The following ETFA variants were observed in gnomAD, a reference collection of about 807,000 sequenced individuals.
ETFA encodes the protein electron transfer flavoprotein subunit alpha, mitochondrial.
A neutral mutation model predicts 46.2 loss-of-function variants in ETFA; 22 were observed. The ratio of observed to expected loss-of-function variants is 0.48; its 90% CI spans 0.34 to 0.68. The LOEUF is 0.68. ETFA is among the 30% of genes least tolerant of loss of function. ETFA has a pLI of 0.01. For missense variants in ETFA, 345 were observed against 401.1 expected, an observed-to-expected ratio of 0.86 and a Z score of 1.19; for synonymous variants, 131 against 139.9, an observed-to-expected ratio of 0.94 and a Z score of 0.45.
chr15:76,275,643 C>T (rs573949808), intron 8 of ETFA, among the ~76,000 whole-genome samples: 6 of 152,206 alleles, frequency 3.9e-5, no homozygotes, highest in South Asian at 2.1e-4. Context: ...ATATTTGTAA[C>T]GGTTTTCTAT....
At chr15:76,248,455 G>C (rs762753296) in intron 9 of ETFA, among the ~76,000 whole-genome samples, 1 of 151,892 alleles carries the variant, frequency 6.6e-6, no homozygotes, top group Non-Finnish European at 1.5e-5. Context: ...AAATACAGGT[G>C]AATATCTTTA....
At chr15:76,261,597 G>C (rs2039413912) in intron 9 of ETFA, 1 of 493,578 alleles carries the variant, frequency 2.0e-6, no homozygotes, top group Non-Finnish European at 3.7e-6. Context: ...GACTCTGGGA[G>C]CAGCAGAGAA....
chr15:76,310,596 A>C (rs12439484), intron 1 of ETFA, among the ~76,000 whole-genome samples: 66,067 of 151,910 alleles, frequency 0.43, 16,078 homozygotes, highest in Middle Eastern at 0.57. Context: ...TTCTCACAAC[A>C]GAAGAGAGAA....
rs2141478225 is a variant in ETFA, at chr15:76,246,582, A to G, written c.817-15184T>C. 1.3e-5 allele frequency among the ~76,000 whole-genome samples: 2 copies of G among 152,342 alleles called. 1 individual carries two copies. Among genetic ancestry groups the G allele is most frequent in the African/African-American group, 4.8e-5 (2 of 41,580 alleles). Reference sequence around the variant, plus strand: ...CACGGTGGCTCACACCTGTAATCCCAGCACTTTGGGAGGCTGAGGCAGGCA... The same window carrying G: ...CACGGTGGCTCACACCTGTAATCCCGGCACTTTGGGAGGCTGAGGCAGGCA... On this transcript the variant is annotated intron_variant, in intron 9 of 11. Transcript: ENST00000557943.
At chr15:76,276,780 GTTTT>G (rs2039596971) in intron 8 of ETFA, among the ~76,000 whole-genome samples, 1 of 152,098 alleles carries the variant, frequency 6.6e-6, no homozygotes, top group Non-Finnish European at 1.5e-5. Context: ...CTGCTACAAT[GTTTT>G]TTATCTCTAG....
chr15:76,260,768 C>G, intron 9 of ETFA: 1 of 1,603,266 alleles, frequency 6.2e-7, no homozygotes, highest in Non-Finnish European at 8.5e-7. Context: ...TCTGAAAGGG[C>G]ACCCAGTCAG....
At chr15:76,281,251 C>T (rs192264915) in intron 8 of ETFA, among the ~76,000 whole-genome samples, 1 of 152,066 alleles carries the variant, frequency 6.6e-6, no homozygotes, top group Non-Finnish European at 1.5e-5. Flanking sequence ...GTGATCCGCC[C>T]GCCTTGGCCT....
At chr15:76,310,480 C>G (rs1484801309) in intron 1 of ETFA, among the ~76,000 whole-genome samples, 1 of 150,452 alleles carries the variant, frequency 6.6e-6, no homozygotes, top group African/African-American at 2.4e-5. Flanking sequence ...ACTAGGAAAA[C>G]TACACAATCC....
At chr15:76,310,855 A>ACCCCCG (rs1182504345) in intron 1 of ETFA, among the ~76,000 whole-genome samples, 1 of 76,662 alleles carries the variant, frequency 1.3e-5, no homozygotes, top group Non-Finnish European at 2.8e-5. Flanking sequence ...ACCCCACCCC[A>ACCCCCG]CCCCCGCCCT....
intron 9 of ETFA, among the ~76,000 whole-genome samples, chr15:76,248,790 T>C (rs1018098040): frequency 1.3e-5 from 2 of 151,994 alleles, no homozygotes; most frequent in African/African-American, 4.8e-5. Flanking sequence ...GGTGGGAGAA[T>C]TGTTTGAACC....
intron 10 of ETFA, among the ~76,000 whole-genome samples, chr15:76,229,459 A>G (rs1316647137): frequency 6.6e-6 from 1 of 152,212 alleles, no homozygotes; most frequent in Non-Finnish European, 1.5e-5. Flanking sequence ...CCCACAATCC[A>G]GCCCTGTTGG....
chr15:76,253,776 A>C (rs2039324346), intron 9 of ETFA, among the ~76,000 whole-genome samples: 1 of 152,214 alleles, frequency 6.6e-6, no homozygotes, highest in Admixed American at 6.5e-5. Flanking sequence ...GCTGCCAAAA[A>C]CCTAATGCAT....
intron 9 of ETFA, chr15:76,260,845 G>A: frequency 6.2e-7 from 1 of 1,611,644 alleles, no homozygotes; most frequent in South Asian, 1.1e-5. Flanking sequence ...GCAGGCACCA[G>A]GTCCCGGAGC....
intron 9 of ETFA, among the ~76,000 whole-genome samples, chr15:76,265,271 C>A (rs1267914499): frequency 6.6e-6 from 1 of 152,144 alleles, no homozygotes; most frequent in African/African-American, 2.4e-5. Flanking sequence ...TCTGATCATA[C>A]CAGAGAGATT....
At chr15:76,223,789 T>C (rs1164842111) in intron 11 of ETFA, among the ~76,000 whole-genome samples, 2 of 152,196 alleles carry the variant, frequency 1.3e-5, no homozygotes, top group South Asian at 2.1e-4. Context: ...ATGCCAAACC[T>C]TGGAGCTGCC....
At position 76,245,811 on chromosome 15, in the gene ETFA, C is replaced by A. The variant is rs189998610; in HGVS notation, c.817-14413G>T. Among the ~76,000 whole-genome samples the A allele has an allele frequency of 2.6e-5, 4 of 152,180 alleles. No homozygotes were observed. In the East Asian group the frequency reaches 7.7e-4, roughly 29 times the overall value. ...GTGGTTAGGAAGGTAAGGTCAGCAC[C>A]ATCAAAAAAGCTAATAGAAGGCAAT... On this transcript the variant is annotated intron_variant, in intron 9 of 11. Coordinates refer to ENST00000557943, the MANE Select transcript of ETFA (RefSeq NM_000126.4).
intron 1 of ETFA, among the ~76,000 whole-genome samples, chr15:76,309,170 C>T (rs1226122641): frequency 6.6e-6 from 1 of 152,232 alleles, no homozygotes; most frequent in Non-Finnish European, 1.5e-5. Flanking sequence ...CTATTCTAGG[C>T]TGGGCGCGGT....
chr15:76,258,828 G>A (rs2039372807), intron 9 of ETFA, among the ~76,000 whole-genome samples: 1 of 152,196 alleles, frequency 6.6e-6, no homozygotes, highest in South Asian at 2.1e-4. Flanking sequence ...ACTGGGATTG[G>A]GTGATTTGGT....
chr15:76,224,501 T>C (rs2142106898), intron 11 of ETFA, among the ~76,000 whole-genome samples: 1 of 152,318 alleles, frequency 6.6e-6, no homozygotes, highest in African/African-American at 2.4e-5. Flanking sequence ...AAGGGTCCTA[T>C]TTCCATCCTT....
Sources: allele counts gnomAD v4.1 joint callset (sites outside exome capture counted in the v4.1 genomes callset), GRCh38; gene constraint gnomAD v4.1.1; transcripts MANE v1.5; gene names NCBI Gene and HGNC (gene_info 2026-07-23, HGNC 2026-07-21).